TPP2: variants seen among roughly 807,000 people sequenced by gnomAD.
TPP2 encodes the protein tripeptidyl-peptidase 2.
TPP2 carries 34 observed loss-of-function variants against 155.9 expected under a neutral mutation model. The ratio of observed to expected loss-of-function variants is 0.22; its 90% CI spans 0.17 to 0.29. TPP2 has a LOEUF of 0.29. Ranked by LOEUF, TPP2 falls within the 10% of genes least tolerant of loss-of-function variation. TPP2 has a pLI of 1.00. For missense variants in TPP2, 1,028 were observed against 1,522.3 expected (o/e 0.68, Z 5.40); for synonymous variants, 510 against 529.4 (o/e 0.96, Z 0.50).
rs139444631 is a variant in TPP2, at chr13:102,676,343, G to C, written c.3627G>C (p.Gly1209=). ...YKHALVNKMY[G]RGLKFATKLV... ...ATGCATTAGTAAATAAAATGTATGG[G>C]AGAGGCCTTAAATTTGCAACTAAAC... Residue 1209 remains glycine (G), a synonymous_variant, in exon 29 of 30, where the codon GGG becomes GGC. Transcript: ENST00000376052. 46 of 1,609,742 alleles carry C rather than the reference G, an allele frequency of 2.9e-5. No individual in the cohort carries two copies. The African/African-American group carries it at 5.3e-4, about 19-fold the overall frequency.
At chr13:102,659,658 CAG>C (rs995379965) in intron 25 of TPP2, among the ~76,000 whole-genome samples, 9 of 152,152 alleles carry the variant, frequency 5.9e-5, no homozygotes, top group Non-Finnish European at 1.2e-4. Flanking sequence ...TAAACAAAAA[CAG>C]AGAATTTGTT....
chr13:102,648,517 A>G (rs1265234926), intron 21 of TPP2, among the ~76,000 whole-genome samples: 1 of 149,878 alleles, frequency 6.7e-6, no homozygotes, highest in Non-Finnish European at 1.5e-5. Context: ...TTTTTTTGGT[A>G]GTGTTTCTTA....
chr13:102,633,008 G>A lies in TPP2; in HGVS notation c.1245-942G>A, dbSNP rs543284965. Among the ~76,000 whole-genome samples, 14 of 152,242 alleles carry A rather than the reference G, an allele frequency of 9.2e-5. No homozygotes were observed. In the East Asian group the frequency reaches 2.3e-3, roughly 25 times the overall value. ...TTGCTTTCAGTTCTCTATAAAAAAT[G>A]TAAAGCCAAATTGCTCTAGTGTTTC... On this transcript the variant is annotated intron_variant, in intron 10 of 29. Transcript: ENST00000376052.
At chr13:102,665,440 G>T (rs1443261356) in intron 27 of TPP2, among the ~76,000 whole-genome samples, 1 of 152,138 alleles carries the variant, frequency 6.6e-6, no homozygotes, top group Non-Finnish European at 1.5e-5. Flanking sequence ...TAGGAGGAGA[G>T]AATTTATAGT....
Position 102,678,676 on chromosome 13 carries a change from G to A in TPP2, c.*360G>A, listed in dbSNP as rs568716834. On this transcript the variant is annotated 3_prime_UTR_variant, in exon 30 of 30. Transcript: ENST00000376052. ...TATTTTTTATTTTATAAATGAACAG[G>A]GTTTTAACGTGCTCAACTTTAATTT... is the stretch of plus-strand genomic sequence containing the variant. 1.3e-5 allele frequency: 2 copies of A among 158,712 alleles called. No individual in the cohort carries two copies. The highest frequency in any genetic ancestry group is 2.4e-5 in the African/African-American group (1 of 41,710). The allele number at this position is 158,712 out of a possible 1,614,324, so 9.8% of individuals were successfully genotyped here.
rs565991643 is a variant in TPP2 at position 102,670,864 on chromosome 13, A to G, written c.3372-3419A>G. ...CCACGATATTTCTAAGGAGAAGACAATTGTACTTTTTCAGGTGCTATGATT... is the reference window on the plus strand; with the variant it reads ...CCACGATATTTCTAAGGAGAAGACAGTTGTACTTTTTCAGGTGCTATGATT... On this transcript the variant is annotated intron_variant, in intron 27 of 29. Transcript: ENST00000376052. Among the ~76,000 whole-genome samples, 79 of 152,320 alleles carry G rather than the reference A, an allele frequency of 5.2e-4. 1 individual carries two copies. The highest frequency in any genetic ancestry group is 1.7e-3 in the African/African-American group (71 of 41,564).
At chr13:102,632,175 T>C (rs1465820258) in intron 10 of TPP2, among the ~76,000 whole-genome samples, 1 of 152,174 alleles carries the variant, frequency 6.6e-6, no homozygotes, top group African/African-American at 2.4e-5. Context: ...TATTATATAT[T>C]GTAATTGAGA....
At chr13:102,644,055 G>A (rs1030931801) in intron 17 of TPP2, among the ~76,000 whole-genome samples, 37 of 152,174 alleles carry the variant, frequency 2.4e-4, no homozygotes, top group African/African-American at 8.7e-4. Flanking sequence ...AGTGCTAAGA[G>A]CAGGTGTTTT....
At chr13:102,627,818 C>T (rs780824681) in intron 7 of TPP2, 30 bp from the exon 8 acceptor site, 2 of 1,541,934 alleles carry the variant, frequency 1.3e-6, no homozygotes. Flanking sequence ...TAAATTGCTG[C>T]CTAAACTAGA....
Position 102,644,610 on chromosome 13 carries a change from T to C in TPP2, c.2229T>C (p.Asp743=), listed in dbSNP as rs1407135063. Residue 743 remains aspartate, a synonymous_variant, in exon 18 of 30, where the codon GAT becomes GAC. Coordinates refer to ENST00000376052, the MANE Select transcript of TPP2 (RefSeq NM_001330588.2). ...CIARWWASLS[D]VNIDYTISFH... ...CTCGTTGGTGGGCAAGTCTCAGTGA[T>C]GTCAACATTGATTATACCATTTCTT... The C allele has an allele frequency of 1.2e-6, 2 of 1,613,230 alleles. No individual in the cohort carries two copies. The highest frequency in any genetic ancestry group is 1.7e-6 in the Non-Finnish European group (2 of 1,179,666).
At chr13:102,654,460 G>A (rs562367950) in intron 24 of TPP2, among the ~76,000 whole-genome samples, 44 of 152,088 alleles carry the variant, frequency 2.9e-4, no homozygotes, top group African/African-American at 1.0e-3. Context: ...CTTTTGATAG[G>A]TCTTTGTTAG....
At chr13:102,648,806 G>A (rs1466438371) in intron 21 of TPP2, 101 bp from the exon 22 acceptor site, 3 of 1,431,070 alleles carry the variant, frequency 2.1e-6, no homozygotes, top group South Asian at 1.4e-5. Flanking sequence ...CACATATTAT[G>A]AACAAGTCTG....
intron 28 of TPP2, among the ~76,000 whole-genome samples, 190 bp downstream of exon 28, chr13:102,674,680 C>G (rs753280739): frequency 1.3e-5 from 2 of 152,152 alleles, no homozygotes; most frequent in South Asian, 2.1e-4. Flanking sequence ...TTTTATGGTA[C>G]TGCAAACTGG....
At chr13:102,657,701 A>G (rs897136053) in intron 25 of TPP2, among the ~76,000 whole-genome samples, 32 of 152,154 alleles carry the variant, frequency 2.1e-4, no homozygotes, top group African/African-American at 7.7e-4. Flanking sequence ...TTGCATATAT[A>G]TGTTTATAGC....
At chr13:102,629,736 A>T (rs1424760068) in intron 9 of TPP2, 127 bp downstream of exon 9, 5 of 1,289,838 alleles carry the variant, frequency 3.9e-6, no homozygotes, top group Middle Eastern at 2.6e-4. Flanking sequence ...TCCTCAGGAA[A>T]CTTATAGTCT....
At chr13:102,672,518 G>A (rs1053403741) in intron 27 of TPP2, among the ~76,000 whole-genome samples, 5 of 152,128 alleles carry the variant, frequency 3.3e-5, no homozygotes, top group East Asian at 1.9e-4. Context: ...TTCCAAGAAG[G>A]TTTGCATCTT....
At position 102,664,397 on chromosome 13, in the gene TPP2, C is replaced by CT. The variant is rs200292095; in HGVS notation, c.3241-389dup. Among the ~76,000 whole-genome samples, 751 of 151,344 alleles carry CT rather than the reference C, an allele frequency of 5.0e-3. 6 individuals carry two copies. The highest frequency in any genetic ancestry group is 0.017 in the African/African-American group (711 of 41,290). The stretch of plus-strand genomic sequence containing the variant: ...AAATGGTTTCATCAGCTAGGGCTTT[C>CT]TTTTTTTTTCCTGTGTTCAGGTAGT... On this transcript the variant is annotated intron_variant, in intron 26 of 29. Coordinates refer to ENST00000376052, the MANE Select transcript of TPP2 (RefSeq NM_001330588.2).
intron 26 of TPP2, 30 bp from the exon 27 acceptor site, chr13:102,664,765 A>AG: frequency 6.2e-6 from 10 of 1,603,424 alleles, no homozygotes. Flanking sequence ...TGATATACCT[A>AG]TTTTTTATTA....
At chr13:102,624,744 C>T (rs1047353958) in intron 6 of TPP2, among the ~76,000 whole-genome samples, 4 of 150,990 alleles carry the variant, frequency 2.6e-5, no homozygotes, top group Admixed American at 2.0e-4. Context: ...CATTGATGGA[C>T]GTTTAGATTG....
Sources: gnomAD v4.1 joint callset for allele counts (sites outside exome capture counted in the v4.1 genomes callset) on GRCh38, gnomAD v4.1.1 for gene constraint, MANE v1.5 for transcripts, NCBI Gene and HGNC (gene_info 2026-07-23, HGNC 2026-07-21) for gene names.